Variants in LTBP1 observed in about 807,000 individuals in gnomAD.
LTBP1 encodes latent transforming growth factor beta binding protein 1, also known as latent-transforming growth factor beta-binding protein 1.
Under a neutral mutation model 207.6 loss-of-function variants are expected in LTBP1, and 129 were observed. That is an observed-to-expected ratio of 0.62 (90% confidence interval 0.54 to 0.72). The LOEUF is 0.72. Ranked by LOEUF, LTBP1 falls within the 30% of genes least tolerant of loss-of-function variation. LTBP1 has a pLI of 0.00. For missense variants in LTBP1, 2,281 were observed against 2,217.2 expected (o/e 1.03, Z -0.58); for synonymous variants, 963 against 833.7 (o/e 1.16, Z -2.67).
At chr2:33,314,361 G>A (rs1346226664) in intron 23 of LTBP1, among the ~76,000 whole-genome samples, 5 of 152,138 alleles carry the variant, frequency 3.3e-5, no homozygotes, top group Non-Finnish European at 5.9e-5. Flanking sequence ...ACCAGCCTGG[G>A]CATCATAGTG....
At chr2:33,036,443 G>T (rs1446162508) in intron 3 of LTBP1, among the ~76,000 whole-genome samples, 1 of 150,720 alleles carries the variant, frequency 6.6e-6, no homozygotes, top group Non-Finnish European at 1.5e-5. Context: ...GTTACAACAG[G>T]GTCATGATGA....
rs983668678 is a variant in LTBP1, at chr2:33,266,377, A to G, written c.2617+2985A>G. On this transcript the variant is annotated intron_variant, in intron 15 of 33. Transcript: ENST00000404816. ...TGAATAGCCTGGGTGTGTGGACAACATGTTGATGGAGGGAGGCAGACAGGT... is the reference window on the plus strand; with the variant it reads ...TGAATAGCCTGGGTGTGTGGACAACGTGTTGATGGAGGGAGGCAGACAGGT... Among the ~76,000 whole-genome samples the G allele has an allele frequency of 2.6e-5, 4 of 152,200 alleles. No individual in the cohort carries two copies. In the South Asian group the frequency reaches 8.3e-4, roughly 32 times the overall value.
intron 4 of LTBP1, among the ~76,000 whole-genome samples, chr2:33,121,804 T>G (rs1030708587): frequency 1.4e-5 from 2 of 142,074 alleles, no homozygotes; most frequent in Non-Finnish European, 3.0e-5. Flanking sequence ...GTCCAAAGAG[T>G]TTTTTTTTGT....
chr2:33,208,293 G>C, intron 7 of LTBP1, among the ~76,000 whole-genome samples: 1 of 152,170 alleles, frequency 6.6e-6, no homozygotes, highest in Non-Finnish European at 1.5e-5. Context: ...TCACAGCCCA[G>C]TACACCCAAG....
intron 5 of LTBP1, among the ~76,000 whole-genome samples, chr2:33,182,560 G>A (rs1388685787): frequency 1.3e-5 from 2 of 150,798 alleles, no homozygotes; most frequent in African/African-American, 4.9e-5. Context: ...TACTCGGAAG[G>A]CTGAGGCAGG....
intron 3 of LTBP1, among the ~76,000 whole-genome samples, chr2:33,109,347 G>T (rs771910251): frequency 6.6e-6 from 1 of 152,184 alleles, no homozygotes; most frequent in Non-Finnish European, 1.5e-5. Flanking sequence ...TCGGTATTTT[G>T]GGTCAGATTA....
Position 33,186,994 on chromosome 2 carries a change from A to G in LTBP1, c.1340A>G (p.Gln447Arg). The change falls in exon 6 of 34, where the codon CAG (glutamine) becomes CGG (arginine). Residue 447 changes from glutamine (Q) to arginine (R), a missense_variant. Coordinates refer to ENST00000404816, the MANE Select transcript of LTBP1 (RefSeq NM_206943.4). Reference sequence around the variant, plus strand: ...GTGCCTAAACTTTATCAGCATTCCCAGCAGCCAGGCAAGGCGTTGGGGACG... The same window carrying G: ...GTGCCTAAACTTTATCAGCATTCCCGGCAGCCAGGCAAGGCGTTGGGGACG... Reference protein sequence around the residue: ...ASVPKLYQHSQQPGKALGTHV... With the variant: ...ASVPKLYQHSRQPGKALGTHV... 6.2e-7 allele frequency: 1 copy of G among 1,614,212 alleles called. No individual in the cohort carries two copies. The highest frequency in any genetic ancestry group is 8.5e-7 in the Non-Finnish European group (1 of 1,180,040).
chr2:33,220,785 T>A (rs1055343748), intron 8 of LTBP1, among the ~76,000 whole-genome samples: 2 of 152,230 alleles, frequency 1.3e-5, no homozygotes, highest in Non-Finnish European at 2.9e-5. Context: ...ATGGAGGGAC[T>A]CCCACACGCC....
At chr2:32,966,471 C>G (rs895907957) in intron 2 of LTBP1, among the ~76,000 whole-genome samples, 2 of 152,108 alleles carry the variant, frequency 1.3e-5, no homozygotes, top group African/African-American at 4.8e-5. Flanking sequence ...ATGATCTTAG[C>G]AGGAAAACTA....
intron 31 of LTBP1, among the ~76,000 whole-genome samples, chr2:33,367,877 A>G (rs745605584): frequency 2.7e-4 from 41 of 152,198 alleles, no homozygotes; most frequent in Non-Finnish European, 5.3e-4. Flanking sequence ...GGCTAAATAA[A>G]TCATGTACAT....
intron 7 of LTBP1, among the ~76,000 whole-genome samples, chr2:33,200,006 C>G (rs2149062042): frequency 6.6e-6 from 1 of 152,240 alleles, no homozygotes; most frequent in South Asian, 2.1e-4. Flanking sequence ...ACATTCCATG[C>G]TCATGGGTAG....
At chr2:33,377,316 T>C (rs1558322305) in intron 31 of LTBP1, among the ~76,000 whole-genome samples, 1 of 152,162 alleles carries the variant, frequency 6.6e-6, no homozygotes, top group Non-Finnish European at 1.5e-5. Context: ...ACTCTCTGTT[T>C]TGAAAGCTGA....
rs1317320374 is a variant in LTBP1, at chr2:33,300,410, T to TAGTC, written c.3236-40_3236-37dup. ...GCAGGGAGCACTGCATTCTCCTGGG[T>TAGTC]AGTCTCTTTTTCAGAAAAATTGCCG... On this transcript the variant is annotated intron_variant, in intron 20 of 33. Transcript: ENST00000404816. The TAGTC allele has an allele frequency of 1.9e-6, 3 of 1,604,600 alleles. No individual in the cohort carries two copies. The African/African-American group carries it at 4.0e-5, about 21-fold the overall frequency.
chr2:32,978,834 G>A (rs553962380), intron 2 of LTBP1, among the ~76,000 whole-genome samples: 2 of 151,942 alleles, frequency 1.3e-5, no homozygotes, highest in Admixed American at 1.3e-4. Flanking sequence ...AAGCCACTGC[G>A]TCCTGGGCTT....
At chr2:33,172,700 C>T (rs1006053913) in intron 5 of LTBP1, among the ~76,000 whole-genome samples, 3 of 152,184 alleles carry the variant, frequency 2.0e-5, no homozygotes, top group African/African-American at 7.2e-5. Flanking sequence ...ACAGAGTATA[C>T]ATCTTTTTCA....
intron 7 of LTBP1, among the ~76,000 whole-genome samples, chr2:33,202,088 T>C (rs139373309): frequency 7.0e-4 from 103 of 146,196 alleles, no homozygotes; most frequent in African/African-American, 2.3e-3. Context: ...CAAATAGATA[T>C]ACTTAGCTTT....
chr2:32,987,417 C>CT (rs1351990457), intron 2 of LTBP1, among the ~76,000 whole-genome samples: 1 of 151,980 alleles, frequency 6.6e-6, no homozygotes, highest in African/African-American at 2.4e-5. Flanking sequence ...CTGGGCCAGC[C>CT]TTTAGTCACT....
At chr2:33,285,882 G>T (rs2093657133) in intron 19 of LTBP1, 1 of 151,874 alleles carries the variant, frequency 6.6e-6, no homozygotes, top group African/African-American at 2.4e-5. Flanking sequence ...TGATATGTCT[G>T]TTGACTCCTT....
chr2:33,274,851 C>T, intron 16 of LTBP1, 114 bp from the exon 17 acceptor site: 1 of 962,734 alleles, frequency 1.0e-6, no homozygotes, highest in Non-Finnish European at 1.6e-6. Context: ...CTGTTGTCCT[C>T]AGTTATAAAG....
Sources: allele counts gnomAD v4.1 joint callset (sites outside exome capture counted in the v4.1 genomes callset), GRCh38; gene constraint gnomAD v4.1.1; transcripts MANE v1.5; gene names NCBI Gene and HGNC (gene_info 2026-07-23, HGNC 2026-07-21).